Variants in FSHR observed in about 807,000 individuals in gnomAD.
FSHR encodes follicle-stimulating hormone receptor.
FSHR carries 46 observed loss-of-function variants against 52.1 expected under a neutral mutation model. That is an observed-to-expected ratio of 0.88 (90% CI 0.70 to 1.13). FSHR has a LOEUF of 1.13. FSHR is among the 50% of genes most tolerant of loss of function. The pLI is 0.00. For synonymous variants in FSHR, 399 were observed against 309.6 expected, an observed-to-expected ratio of 1.29 and a Z score of -3.03; for missense variants, 964 against 834.6, an observed-to-expected ratio of 1.16 and a Z score of -1.91.
intron 1 of FSHR, among the ~76,000 whole-genome samples, chr2:49,125,244 G>A (rs143947900): frequency 3.0e-4 from 46 of 151,902 alleles, no homozygotes; most frequent in African/African-American, 1.0e-3. Context: ...TGGCTTTCTT[G>A]GATTGCATTG....
chr2:49,068,624 C>T (rs1365699800), intron 1 of FSHR, among the ~76,000 whole-genome samples: 1 of 152,100 alleles, frequency 6.6e-6, no homozygotes, highest in Non-Finnish European at 1.5e-5. Context: ...GGCCTGTTCT[C>T]TTCCTCTACT....
intron 2 of FSHR, 111 bp downstream of exon 2, chr2:49,068,108 C>T: frequency 1.2e-6 from 1 of 828,664 alleles, no homozygotes; most frequent in East Asian, 2.5e-5. Flanking sequence ...GAAAGTTTGG[C>T]TGACCATGTC....
At chr2:49,138,379 T>C (rs962726061) in intron 1 of FSHR, among the ~76,000 whole-genome samples, 1 of 152,116 alleles carries the variant, frequency 6.6e-6, no homozygotes, top group African/African-American at 2.4e-5. Context: ...TGAAAACATA[T>C]GTCAGCACTA....
chr2:48,995,134 T>C (rs1410583704), intron 4 of FSHR, among the ~76,000 whole-genome samples: 2 of 152,074 alleles, frequency 1.3e-5, no homozygotes, highest in African/African-American at 4.8e-5. Flanking sequence ...GTTAACAGGG[T>C]CTGTGTTTGC....
chr2:48,979,561 T>G (rs779761938), intron 8 of FSHR, among the ~76,000 whole-genome samples: 19 of 152,114 alleles, frequency 1.2e-4, no homozygotes, highest in Non-Finnish European at 2.6e-4. Context: ...GACTTTCTCC[T>G]CCCCAGGAGT....
At position 49,020,021 on chromosome 2, in the gene FSHR, G is replaced by A. The variant is rs147234312; in HGVS notation, c.299+65C>T. 233 of 1,349,856 alleles carry A rather than the reference G, an allele frequency of 1.7e-4. 1 individual carries two copies. In the East Asian group the frequency reaches 5.2e-3, roughly 30 times the overall value. 83.6% of individuals were successfully genotyped at this position (1,349,856 alleles called of 1,614,324 possible). Reference sequence around the variant, plus strand: ...GGCAGAATCAGGGCCTCCCAGGAATGTAGAAGAACTTTAAGGGTTTTTTCA... The same window carrying A: ...GGCAGAATCAGGGCCTCCCAGGAATATAGAAGAACTTTAAGGGTTTTTTCA... On this transcript the variant is annotated intron_variant, in intron 3 of 9. Transcript: ENST00000406846.
chr2:49,096,462 A>G (rs1670825461), intron 1 of FSHR, among the ~76,000 whole-genome samples: 1 of 152,238 alleles, frequency 6.6e-6, no homozygotes, highest in Non-Finnish European at 1.5e-5. Flanking sequence ...GGGAGAAGGA[A>G]ATAGGCATTG....
intron 1 of FSHR, among the ~76,000 whole-genome samples, chr2:49,107,793 C>T (rs948843057): frequency 2.0e-5 from 3 of 152,124 alleles, no homozygotes; most frequent in East Asian, 3.9e-4. Context: ...CACAAATTCA[C>T]ACAATTTCTT....
intron 2 of FSHR, among the ~76,000 whole-genome samples, chr2:49,047,543 T>C (rs962153087): frequency 2.6e-5 from 4 of 152,220 alleles, no homozygotes; most frequent in Admixed American, 2.6e-4. Context: ...GATATGGTTT[T>C]TCATGTATTA....
chr2:49,022,873 C>T (rs12617499), intron 2 of FSHR, among the ~76,000 whole-genome samples: 20,836 of 152,076 alleles, frequency 0.14, 1,421 homozygotes, highest in East Asian at 0.18. Context: ...TCTAGGACAG[C>T]GCTTCTCAAA....
chr2:48,998,163 G>A (rs1040206446), intron 4 of FSHR, among the ~76,000 whole-genome samples: 7 of 151,788 alleles, frequency 4.6e-5, no homozygotes, highest in Admixed American at 2.0e-4. Context: ...ATCCAAATTT[G>A]TTGAGTTTTT....
intron 1 of FSHR, among the ~76,000 whole-genome samples, chr2:49,103,588 C>A (rs1035945411): frequency 3.9e-5 from 6 of 152,126 alleles, no homozygotes; most frequent in Non-Finnish European, 8.8e-5. Flanking sequence ...TCTGAGATGG[C>A]ATCCCTACAG....
intron 4 of FSHR, among the ~76,000 whole-genome samples, chr2:49,016,963 G>A (rs1418494217): frequency 2.0e-5 from 3 of 152,168 alleles, no homozygotes; most frequent in African/African-American, 7.2e-5. Flanking sequence ...AGCCATTTGA[G>A]TAGAGGAAGC....
intron 8 of FSHR, among the ~76,000 whole-genome samples, chr2:48,980,043 C>T (rs79896223): frequency 0.032 from 4,799 of 152,258 alleles, 218 homozygotes; most frequent in African/African-American, 0.11. Context: ...GTGGAATAAG[C>T]TATTAGTCTT....
chr2:48,982,541 T>C (rs898161974), intron 8 of FSHR, among the ~76,000 whole-genome samples: 2 of 152,188 alleles, frequency 1.3e-5, no homozygotes, highest in Admixed American at 1.3e-4. Context: ...CTGTAACTCT[T>C]GTATAACCTT....
In FSHR at chr2:48,963,728, G is replaced by A; in HGVS notation, c.1093C>T (p.Leu365Phe). The stretch of plus-strand genomic sequence containing the variant: ...CTGATAAACCATATCAGGACTCTGA[G>A]GATGTTGTACCCCATGATATCTTCA... ...PCEDIMGYNI[L>F]RVLIWFISIL... Residue 365 changes from leucine (L) to phenylalanine (F), a missense_variant, in exon 10 of 10, where the codon CTC (leucine) becomes TTC (phenylalanine). Transcript: ENST00000406846. 6.2e-7 allele frequency: 1 copy of A among 1,614,156 alleles called. No individual in the cohort carries two copies. Among genetic ancestry groups the A allele is most frequent in the Non-Finnish European group, 8.5e-7 (1 of 1,180,018 alleles).
intron 9 of FSHR, among the ~76,000 whole-genome samples, chr2:48,967,475 C>T (rs1674529537): frequency 6.6e-6 from 1 of 152,154 alleles, no homozygotes; most frequent in Admixed American, 6.5e-5. Flanking sequence ...CTTTCTCACT[C>T]TGGATAGAAT....
chr2:49,108,370 A>T (rs1671308489), intron 1 of FSHR, among the ~76,000 whole-genome samples: 1 of 152,014 alleles, frequency 6.6e-6, no homozygotes, highest in Non-Finnish European at 1.5e-5. Flanking sequence ...TGTATATTCT[A>T]TTGCTTTGGT....
At chr2:49,039,864 T>C (rs1487042435) in intron 2 of FSHR, among the ~76,000 whole-genome samples, 2 of 152,202 alleles carry the variant, frequency 1.3e-5, no homozygotes, top group African/African-American at 2.4e-5. Context: ...ATATTAACCA[T>C]GGATATCTTA....
Sources: gnomAD v4.1 joint callset for allele counts (sites outside exome capture counted in the v4.1 genomes callset) on GRCh38, gnomAD v4.1.1 for gene constraint, MANE v1.5 for transcripts, NCBI Gene and HGNC (gene_info 2026-07-23, HGNC 2026-07-21) for gene names.